Variants in RAB33A observed in about 807,000 individuals in gnomAD.
RAB33A encodes the protein ras-related protein Rab-33A.
A neutral mutation model predicts 12.0 loss-of-function variants in RAB33A; 6 were observed. That is an observed-to-expected ratio of 0.50 (90% CI 0.27 to 0.99). RAB33A has a LOEUF of 0.99. RAB33A is among the 50% of genes least tolerant of loss of function. The pLI is 0.11. For synonymous variants in RAB33A, 70 were observed against 82.4 expected (o/e 0.85, Z 0.81); for missense variants, 109 against 192.0 (o/e 0.57, Z 2.55).
chrX:130,158,293 GA>G, the RAB33A span, among the ~76,000 whole-genome samples: 17 of 111,351 alleles, frequency 1.5e-4, no homozygotes, highest in Non-Finnish European at 2.3e-4. Context: ...AAAGAAAAAA[GA>G]AAAAAAATGC....
the RAB33A span, among the ~76,000 whole-genome samples, chrX:130,115,661 GAA>G: frequency 3.6e-3 from 338 of 94,834 alleles, 3 homozygotes; most frequent in East Asian, 0.02. Context: ...AAGAAAGAGA[GAA>G]AGAGAGAGAG....
the RAB33A span, among the ~76,000 whole-genome samples, chrX:130,138,333 CAGGCGCCTGT>C: frequency 9.1e-6 from 1 of 110,376 alleles, no homozygotes; most frequent in Non-Finnish European, 1.9e-5. Flanking sequence ...GGCGTGGTTA[CAGGCGCCTGT>C]AGTCCCAGCT....
At chrX:130,141,090 T>G in the RAB33A span, among the ~76,000 whole-genome samples, 2 of 112,204 alleles carry the variant, frequency 1.8e-5, no homozygotes, top group African/African-American at 6.5e-5. Flanking sequence ...CACTCCAGCC[T>G]GGGCAACAGA....
the RAB33A span, among the ~76,000 whole-genome samples, chrX:130,121,000 A>G: frequency 8.9e-6 from 1 of 112,630 alleles, no homozygotes; most frequent in Non-Finnish European, 1.9e-5. Flanking sequence ...TCGCCGCCTC[A>G]GCCCCAAGCG....
At chrX:130,145,344 C>T in the RAB33A span, 2 of 535,765 alleles carry the variant, frequency 3.7e-6, no homozygotes, top group Admixed American at 5.2e-5. Flanking sequence ...CATTATTAAA[C>T]CTAAAGCAGC....
At chrX:130,176,099 G>C (rs1455467915) in intron 1 of RAB33A, among the ~76,000 whole-genome samples, 1 of 111,717 alleles carries the variant, frequency 9.0e-6, no homozygotes, top group Admixed American at 9.5e-5. Context: ...GACATCATAA[G>C]AGATAGCTGA....
At chrX:130,154,698 C>T in the RAB33A span, among the ~76,000 whole-genome samples, 1 of 111,996 alleles carries the variant, frequency 8.9e-6, no homozygotes, top group Non-Finnish European at 1.9e-5. Flanking sequence ...CAATAAAATG[C>T]CTTTTCATAG....
At chrX:130,133,427 A>G in the RAB33A span, 6 of 1,208,158 alleles carry the variant, frequency 5.0e-6, no homozygotes, top group Non-Finnish European at 6.7e-6. Flanking sequence ...TCCCAACTTT[A>G]TATCGTAGAA....
intron 1 of RAB33A, among the ~76,000 whole-genome samples, chrX:130,181,518 G>A (rs954655989): frequency 1.8e-5 from 2 of 112,302 alleles, no homozygotes; most frequent in South Asian, 7.3e-4. Flanking sequence ...TGGGCTGAAT[G>A]TATATCTCCT....
chrX:130,144,874 G>A, the RAB33A span, among the ~76,000 whole-genome samples: 2 of 112,384 alleles, frequency 1.8e-5, no homozygotes, highest in African/African-American at 3.2e-5. Context: ...TACAGGAGAA[G>A]TGAGTATGTT....
At chrX:130,160,975 AT>A in the RAB33A span, among the ~76,000 whole-genome samples, 2 of 111,881 alleles carry the variant, frequency 1.8e-5, no homozygotes, top group East Asian at 5.6e-4. Context: ...GATTCCATTT[AT>A]TTTAGGTTGC....
chrX:130,155,115 C>A, the RAB33A span: 1 of 1,206,450 alleles, frequency 8.3e-7, no homozygotes, highest in Non-Finnish European at 1.1e-6. Flanking sequence ...CATGGGCTCA[C>A]CCACCCTACC....
the RAB33A span, among the ~76,000 whole-genome samples, chrX:130,164,167 C>CA: frequency 7.7e-3 from 573 of 74,725 alleles, 4 homozygotes; most frequent in East Asian, 0.037. Flanking sequence ...GACTCCGTCT[C>CA]AAAAAAAAAA....
At chrX:130,151,387 C>T in the RAB33A span, among the ~76,000 whole-genome samples, 1 of 111,139 alleles carries the variant, frequency 9.0e-6, no homozygotes, top group African/African-American at 3.3e-5. Flanking sequence ...GATCCACCCA[C>T]CTTGGCCTCC....
chrX:130,137,106 G>A, the RAB33A span: 223 of 1,209,590 alleles, frequency 1.8e-4, no homozygotes, highest in Non-Finnish European at 2.3e-4. Flanking sequence ...TGGTCCAGTT[G>A]CTGAGGTATT....
intron 1 of RAB33A, among the ~76,000 whole-genome samples, chrX:130,183,511 C>T (rs1431395485): frequency 1.8e-5 from 2 of 109,262 alleles, no homozygotes; most frequent in Admixed American, 9.7e-5. Flanking sequence ...GCCGAGATGG[C>T]GCCACTGCAC....
the RAB33A span, among the ~76,000 whole-genome samples, chrX:130,148,600 G>A: frequency 1.8e-5 from 2 of 110,721 alleles, no homozygotes; most frequent in African/African-American, 6.6e-5. Flanking sequence ...TTGGGAGGCC[G>A]AAGCAGGCGG....
At position 130,174,592 on chromosome X, in the gene RAB33A, C is replaced by A. The variant is rs191949617; in HGVS notation, c.258+2272C>A. 7.7e-4 allele frequency among the ~76,000 whole-genome samples: 86 copies of A among 112,266 alleles called. 2 individuals carry two copies. The East Asian group carries it at 0.019, about 25-fold the overall frequency. On this transcript the variant is annotated intron_variant, in intron 1 of 1. Coordinates refer to ENST00000257017, the MANE Select transcript of RAB33A (RefSeq NM_004794.3). ...GCTTGGAGATGACTGCCAAGGGCTT[C>A]GTCCTTTGCGAGAGAGAGAAAAGTC...
chrX:130,164,583 A>G, the RAB33A span, among the ~76,000 whole-genome samples: 2 of 111,946 alleles, frequency 1.8e-5, no homozygotes, highest in Non-Finnish European at 3.8e-5. Flanking sequence ...TGGATCATTC[A>G]TTGCCCCCAT....
Sources: allele counts gnomAD v4.1 joint callset (sites outside exome capture counted in the v4.1 genomes callset), GRCh38; gene constraint gnomAD v4.1.1; transcripts MANE v1.5; gene names NCBI Gene and HGNC (gene_info 2026-07-23, HGNC 2026-07-21).